The following PDE4D variants were observed in gnomAD, a reference collection of about 807,000 sequenced individuals.
PDE4D encodes the protein phosphodiesterase 4D, also known as 3',5'-cyclic-AMP phosphodiesterase 4D.
A neutral mutation model predicts 87.4 loss-of-function variants in PDE4D; 24 were observed. The ratio of observed to expected loss-of-function variants is 0.27; its 90% CI spans 0.20 to 0.39. The LOEUF is 0.39. Ranked by LOEUF, PDE4D falls within the 10% of genes least tolerant of loss-of-function variation. The pLI is 1.00. For missense variants in PDE4D, 714 were observed against 1,041.0 expected (o/e 0.69, Z 4.32); for synonymous variants, 384 against 383.2 (o/e 1.00, Z -0.02).
At chr5:59,843,739 G>A (rs1310028426) in intron 1 of PDE4D, among the ~76,000 whole-genome samples, 2 of 152,040 alleles carry the variant, frequency 1.3e-5, no homozygotes, top group East Asian at 3.9e-4. Flanking sequence ...CTGTCTAACT[G>A]TGAGCTTCAA....
At chr5:60,073,707 G>A (rs547052413) in intron 2 of PDE4D, among the ~76,000 whole-genome samples, 22 of 151,992 alleles carry the variant, frequency 1.4e-4, no homozygotes, top group African/African-American at 4.3e-4. Context: ...TTCACAGTTC[G>A]TTATTGGTCT....
intron 1 of PDE4D, among the ~76,000 whole-genome samples, chr5:59,800,583 G>T (rs1457681126): frequency 1.3e-5 from 2 of 152,084 alleles, no homozygotes; most frequent in Non-Finnish European, 2.9e-5. Flanking sequence ...AATACAATCA[G>T]TATGAGGACT....
chr5:59,076,373 T>C (rs1765681914), intron 5 of PDE4D, among the ~76,000 whole-genome samples: 1 of 152,120 alleles, frequency 6.6e-6, no homozygotes, highest in South Asian at 2.1e-4. Context: ...GTATGAACAA[T>C]TAGGTTTGAG....
intron 1 of PDE4D, among the ~76,000 whole-genome samples, chr5:60,398,760 T>C (rs1763068818): frequency 6.6e-6 from 1 of 152,170 alleles, no homozygotes; most frequent in African/African-American, 2.4e-5. Flanking sequence ...GATTTACATA[T>C]ATGAATTTAT....
chr5:59,049,056 G>A (rs1761142631), intron 5 of PDE4D, among the ~76,000 whole-genome samples: 1 of 151,752 alleles, frequency 6.6e-6, no homozygotes, highest in Admixed American at 6.6e-5. Flanking sequence ...GGCCTTTTTC[G>A]GCTGCTTTTC....
intron 1 of PDE4D, among the ~76,000 whole-genome samples, chr5:59,744,073 AAC>A (rs1174806983): frequency 6.6e-6 from 1 of 152,106 alleles, no homozygotes; most frequent in Non-Finnish European, 1.5e-5. Context: ...CACTCTCATA[AAC>A]AGTGTTTGAA....
intron 5 of PDE4D, among the ~76,000 whole-genome samples, chr5:59,149,818 G>A (rs1779224074): frequency 6.9e-6 from 1 of 145,568 alleles, no homozygotes; most frequent in South Asian, 2.2e-4. Flanking sequence ...ACTAGGCCTT[G>A]CAAAGGAACA....
At chr5:58,980,685 T>TGAAG (rs143435307) in intron 11 of PDE4D, among the ~76,000 whole-genome samples, 43 of 149,114 alleles carry the variant, frequency 2.9e-4, no homozygotes, top group African/African-American at 1.0e-3. Context: ...GCTAATGAAA[T>TGAAG]GGGGGGAAGG....
intron 1 of PDE4D, among the ~76,000 whole-genome samples, chr5:59,658,451 G>A (rs570156726): frequency 2.4e-4 from 36 of 151,870 alleles, no homozygotes; most frequent in Admixed American, 2.6e-4. Flanking sequence ...GCACGATGTC[G>A]GCTCACTGCA....
intron 1 of PDE4D, among the ~76,000 whole-genome samples, chr5:59,720,178 A>G (rs1197959283): frequency 2.0e-5 from 3 of 152,076 alleles, no homozygotes; most frequent in African/African-American, 7.2e-5. Flanking sequence ...CACTTTTTTT[A>G]AGAGATGGGA....
chr5:59,840,336 C>CTGTG (rs59482787), intron 1 of PDE4D, among the ~76,000 whole-genome samples: 8,411 of 149,268 alleles, frequency 0.056, 292 homozygotes, highest in African/African-American at 0.099. Context: ...AAATGATCCT[C>CTGTG]TGTGTGTGTG....
chr5:60,237,144 C>A (rs1034910978), intron 1 of PDE4D, among the ~76,000 whole-genome samples: 2 of 151,878 alleles, frequency 1.3e-5, no homozygotes, highest in African/African-American at 2.4e-5. Flanking sequence ...ATTAAGGGAA[C>A]AACAACATAT....
At chr5:59,458,380 T>G (rs1442970664) in intron 1 of PDE4D, among the ~76,000 whole-genome samples, 1 of 152,190 alleles carries the variant, frequency 6.6e-6, no homozygotes, top group Non-Finnish European at 1.5e-5. Context: ...CAGAGAGAGC[T>G]CTTGACATTA....
intron 2 of PDE4D, among the ~76,000 whole-genome samples, chr5:60,042,025 C>A (rs940917698): frequency 6.6e-6 from 1 of 152,104 alleles, no homozygotes; most frequent in Non-Finnish European, 1.5e-5. Flanking sequence ...GGATCCCACC[C>A]CTGTGGAGCC....
intron 6 of PDE4D, chr5:58,999,841 C>G: frequency 4.0e-6 from 4 of 989,426 alleles, no homozygotes; most frequent in Non-Finnish European, 4.8e-6. Context: ...GCATCTTTCT[C>G]TCCCGAGCTC....
At chr5:59,214,446 T>C (rs1750787058) in intron 2 of PDE4D, among the ~76,000 whole-genome samples, 1 of 152,148 alleles carries the variant, frequency 6.6e-6, no homozygotes, top group Non-Finnish European at 1.5e-5. Context: ...TAGCCCGGTA[T>C]TTTCTGTATC....
chr5:60,257,753 T>C (rs1749243891), intron 1 of PDE4D, among the ~76,000 whole-genome samples: 1 of 151,964 alleles, frequency 6.6e-6, no homozygotes. Flanking sequence ...CTCTGTGAAG[T>C]GTCTCAAGCA....
chr5:59,646,266 C>A lies in PDE4D; in HGVS notation c.455+246902G>T, dbSNP rs1207750744. Among the ~76,000 whole-genome samples the A allele has an allele frequency of 3.3e-5, 5 of 152,142 alleles. No homozygotes were observed. The East Asian group carries it at 9.6e-4, about 29-fold the overall frequency. ...GACATCAGTTGGTATAAAGCCTGGA[C>A]CCACTCCTTGTCAACTACCATAGTT... On this transcript the variant is annotated intron_variant, in intron 1 of 14. Transcript: ENST00000340635.
chr5:59,029,408 C>A (rs1756878608), intron 6 of PDE4D, among the ~76,000 whole-genome samples: 2 of 107,554 alleles, frequency 1.9e-5, no homozygotes, highest in South Asian at 7.0e-4. Flanking sequence ...CAGAGCGAGA[C>A]TCCATCACAA....
Sources: gnomAD v4.1 joint callset for allele counts (sites outside exome capture counted in the v4.1 genomes callset) on GRCh38, gnomAD v4.1.1 for gene constraint, MANE v1.5 for transcripts, NCBI Gene and HGNC (gene_info 2026-07-23, HGNC 2026-07-21) for gene names.